EXO1: variants seen among roughly 807,000 people sequenced by gnomAD.
EXO1 encodes exonuclease 1.
Under a neutral mutation model 84.5 loss-of-function variants are expected in EXO1, and 69 were observed. The observed-to-expected ratio is 0.82, with a 90% CI of 0.67 to 1.00. The LOEUF (loss-of-function observed/expected upper bound fraction) is 1.00, where lower values mean the gene tolerates loss of function less well. Among genes scored for constraint, EXO1 ranks in the 50% least tolerant of loss-of-function variants. The pLI is 0.00. For missense variants in EXO1, 1,045 were observed against 1,000.7 expected (o/e 1.04, Z -0.60); for synonymous variants, 373 against 366.1 (o/e 1.02, Z -0.21).
At position 241,882,027 on chromosome 1, in the gene EXO1, T is replaced by A. The variant is rs751777443; in HGVS notation, c.2211+10T>A. 1.3e-5 allele frequency: 17 copies of A among 1,338,328 alleles called. No homozygotes were observed. In the South Asian group the frequency reaches 1.8e-4, roughly 14 times the overall value. 82.9% of individuals were successfully genotyped at this position (1,338,328 alleles called of 1,614,324 possible). A position where few individuals can be genotyped will look rare whatever the true frequency, so the allele number is the denominator to read the frequency against. ...ACCTCTAAGGAACAAGGTAAAACATTTATTTAATTTTTTTTTTAATTTCAG... is the reference window on the plus strand; with the variant it reads ...ACCTCTAAGGAACAAGGTAAAACATATATTTAATTTTTTTTTTAATTTCAG... On this transcript the variant is annotated intron_variant, in intron 14 of 15. Coordinates refer to ENST00000366548, the MANE Select transcript of EXO1 (RefSeq NM_130398.4).
chr1:241,851,749 C>T (rs548774669), intron 4 of EXO1, among the ~76,000 whole-genome samples: 5 of 152,288 alleles, frequency 3.3e-5, no homozygotes, highest in African/African-American at 4.8e-5. Flanking sequence ...TCAGGGAAAT[C>T]AGGCACCTCT....
chr1:241,872,006 T>A, intron 11 of EXO1, 26 bp from the exon 12 acceptor site: 2 of 1,601,544 alleles, frequency 1.2e-6, no homozygotes, highest in South Asian at 2.2e-5. Context: ...AAACAAAGAT[T>A]TACAGATAAT....
At chr1:241,879,629 A>C (rs1270821634) in intron 13 of EXO1, among the ~76,000 whole-genome samples, 4 of 152,284 alleles carry the variant, frequency 2.6e-5, no homozygotes, top group Middle Eastern at 3.4e-3. Flanking sequence ...ACCGAGGCAG[A>C]GTGATAATCT....
chr1:241,889,512 G>A lies in EXO1; in HGVS notation c.2453G>A (p.Arg818Lys). The change falls in exon 16 of 16, where the codon AGA becomes AAA. Residue 818 changes from arginine (R) to lysine (K), a missense_variant. Coordinates refer to ENST00000366548, the MANE Select transcript of EXO1 (RefSeq NM_130398.4). ...PPCKKPLSPV[R>K]DNIQLTPEAE... Reference sequence around the variant, plus strand: ...TGTAAGAAACCCCTGTCCCCAGTCAGAGATAACATCCAACTAACTCCAGAA... The same window carrying A: ...TGTAAGAAACCCCTGTCCCCAGTCAAAGATAACATCCAACTAACTCCAGAA... 6.2e-7 allele frequency: 1 copy of A among 1,613,810 alleles called. No individual in the cohort carries two copies. The highest frequency in any genetic ancestry group is 8.5e-7 in the Non-Finnish European group (1 of 1,179,700).
At chr1:241,873,150 T>C (rs1244573482) in intron 12 of EXO1, among the ~76,000 whole-genome samples, 1 of 152,146 alleles carries the variant, frequency 6.6e-6, no homozygotes, top group Non-Finnish European at 1.5e-5. Flanking sequence ...TGTATACATG[T>C]GCCATGTTGG....
In EXO1 at chr1:241,857,491, C is replaced by T. The variant is rs1661129535; in HGVS notation, c.543+9C>T. The T allele has an allele frequency of 2.5e-6, 4 of 1,610,280 alleles. No homozygotes were observed. In the South Asian group the frequency reaches 3.3e-5, roughly 13 times the overall value. On this transcript the variant is annotated intron_variant, in intron 7 of 15. Coordinates refer to ENST00000366548, the MANE Select transcript of EXO1 (RefSeq NM_130398.4). ...CTTTTGGCTGTAAAAAGGTACTCAC[C>T]TCTGACTACTATATATTACTTTTCT...
At chr1:241,853,521 G>C in intron 6 of EXO1, 40 bp downstream of exon 6, 1 of 1,611,328 alleles carries the variant, frequency 6.2e-7, no homozygotes. Flanking sequence ...ACCAAAGCTA[G>C]TTACAACTTG....
In EXO1 at chr1:241,878,744, A is replaced by G. The variant is rs1365268498; in HGVS notation, c.1515-5A>G. 1 of 1,589,684 alleles carries G rather than the reference A, an allele frequency of 6.3e-7. No individual in the cohort carries two copies. The highest frequency in any genetic ancestry group is 8.6e-7 in the Non-Finnish European group (1 of 1,161,218). ...ACTTATTGTTTCTATTGCTTTTTTT[A>G]TTAGGTTTTTTTGCAGTTCAGATTC... On this transcript the variant is annotated splice_polypyrimidine_tract_variant and splice_region_variant and intron_variant, in intron 12 of 15. Coordinates refer to ENST00000366548, the MANE Select transcript of EXO1 (RefSeq NM_130398.4).
intron 6 of EXO1, among the ~76,000 whole-genome samples, chr1:241,855,122 A>G (rs546124539): frequency 6.6e-5 from 10 of 152,198 alleles, no homozygotes; most frequent in Non-Finnish European, 1.2e-4. Flanking sequence ...AAGGGGACCT[A>G]AGTGGGTTGC....
intron 15 of EXO1, among the ~76,000 whole-genome samples, chr1:241,886,500 C>T (rs1008914371): frequency 5.9e-5 from 9 of 151,930 alleles, no homozygotes; most frequent in South Asian, 4.2e-4. Context: ...ATAGATGAGG[C>T]GGTATGAGTG....
At chr1:241,850,836 CTTTTTTTTTTTTTT>C (rs10641736) in intron 4 of EXO1, among the ~76,000 whole-genome samples, 1 of 105,088 alleles carries the variant, frequency 9.5e-6, no homozygotes, top group Non-Finnish European at 1.8e-5. Flanking sequence ...CTCCTTTATT[CTTTTTTTTTTTTTT>C]TTTTTTTTTA....
chr1:241,863,264 A>G (rs1193173444), intron 10 of EXO1, among the ~76,000 whole-genome samples: 1 of 152,182 alleles, frequency 6.6e-6, no homozygotes, highest in Non-Finnish European at 1.5e-5. Context: ...AGGACACTTA[A>G]GTAACTTTTC....
At chr1:241,875,737 G>C (rs113826183) in intron 12 of EXO1, among the ~76,000 whole-genome samples, 2 of 152,130 alleles carry the variant, frequency 1.3e-5, no homozygotes, top group Non-Finnish European at 2.9e-5. Flanking sequence ...AATTAGCCGG[G>C]CGTGGTGGCG....
rs921519224 is a variant in EXO1, at chr1:241,848,482, T to C, written c.-420+129T>C. 2 of 152,252 alleles carry C rather than the reference T, an allele frequency of 1.3e-5. No individual in the cohort carries two copies. The highest frequency in any genetic ancestry group is 2.9e-5 in the Non-Finnish European group (2 of 68,110). 9.4% of individuals were successfully genotyped at this position (152,252 alleles called of 1,614,324 possible). On this transcript the variant is annotated intron_variant, in intron 1 of 15. Coordinates refer to ENST00000366548, the MANE Select transcript of EXO1 (RefSeq NM_130398.4). The surrounding 1 kb of genome is among the most constrained non-coding windows in gnomAD (Gnocchi z 4.2). ...GGAAGGAGAGGGTCTGGCGTGATCT[T>C]CCCAACCCAACAGCGGAGCCCTTAG...
chr1:241,870,775 A>G (rs1465416180), intron 11 of EXO1, among the ~76,000 whole-genome samples: 5 of 152,288 alleles, frequency 3.3e-5, no homozygotes, highest in Non-Finnish European at 5.9e-5. Flanking sequence ...CATATTATGT[A>G]TGTCATCTGG....
chr1:241,855,677 G>GTC (rs1660965487), intron 6 of EXO1, among the ~76,000 whole-genome samples: 2 of 152,052 alleles, frequency 1.3e-5, no homozygotes, highest in Non-Finnish European at 2.9e-5. Flanking sequence ...GCCCACGGAG[G>GTC]GGGTGGGAGG....
Position 241,848,290 on chromosome 1 carries a change from G to A in EXO1, c.-483G>A, listed in dbSNP as rs1660463227. The A allele has an allele frequency of 6.6e-6, 1 of 152,552 alleles. No homozygotes were observed. The allele number at this position is 152,552 out of a possible 1,614,324, so 9.4% of individuals were successfully genotyped here. A position where few individuals can be genotyped will look rare whatever the true frequency, so the allele number is the denominator to read the frequency against. ...TGGCCACAGTGAGTTAGGGGCGTCG[G>A]AGCGGGTTTCTCCAACCGCAATCGG... On this transcript the variant is annotated 5_prime_UTR_variant, in exon 1 of 16. Coordinates refer to ENST00000366548, the MANE Select transcript of EXO1 (RefSeq NM_130398.4). The surrounding 1 kb of genome is among the most constrained non-coding windows in gnomAD (Gnocchi z 4.2).
intron 10 of EXO1, among the ~76,000 whole-genome samples, chr1:241,864,260 T>C (rs998741113): frequency 1.3e-5 from 2 of 152,222 alleles, no homozygotes; most frequent in South Asian, 2.1e-4. Flanking sequence ...TCTGCACAGT[T>C]ACATTTTTCC....
At chr1:241,884,803 A>G (rs903464514) in intron 14 of EXO1, among the ~76,000 whole-genome samples, 3 of 152,230 alleles carry the variant, frequency 2.0e-5, no homozygotes, top group Non-Finnish European at 4.4e-5. Flanking sequence ...TTTAAATTTT[A>G]TGCCAGGTTT....
Sources: allele counts gnomAD v4.1 joint callset (sites outside exome capture counted in the v4.1 genomes callset), GRCh38; gene constraint gnomAD v4.1.1; non-coding constraint Gnocchi (gnomAD v3.1); transcripts MANE v1.5; gene names NCBI Gene and HGNC (gene_info 2026-07-23, HGNC 2026-07-21).